Variants in PARN observed in about 807,000 individuals in gnomAD.
PARN encodes the protein poly(A)-specific ribonuclease PARN.
Under a neutral mutation model 102.8 loss-of-function variants are expected in PARN, and 71 were observed. The observed-to-expected ratio is 0.69, with a 90% confidence interval of 0.57 to 0.84. The LOEUF is 0.84. PARN is among the 40% of genes least tolerant of loss of function. The pLI is 0.00. For synonymous variants in PARN, 261 were observed against 252.9 expected (o/e 1.03, Z -0.30); for missense variants, 782 against 760.9 (o/e 1.03, Z -0.33).
At chr16:14,607,050 G>C (rs1045645171) in intron 9 of PARN, among the ~76,000 whole-genome samples, 31 of 151,914 alleles carry the variant, frequency 2.0e-4, no homozygotes, top group Non-Finnish European at 5.9e-5. Context: ...CAAAGTATTG[G>C]GATTACAGGT....
intron 18 of PARN, among the ~76,000 whole-genome samples, chr16:14,559,273 T>A (rs1158304745): frequency 6.6e-6 from 1 of 151,980 alleles, no homozygotes; most frequent in Non-Finnish European, 1.5e-5. Flanking sequence ...TTAGATGTTT[T>A]GAAAAAATTT....
chr16:14,569,041 G>A (rs980905473), intron 18 of PARN, among the ~76,000 whole-genome samples: 4 of 151,412 alleles, frequency 2.6e-5, no homozygotes, highest in South Asian at 2.1e-4. Context: ...GTTAAACCCC[G>A]TCTCTACTAA....
At chr16:14,535,182 AAAGTACTCACT>A (rs1296782734) in intron 21 of PARN, among the ~76,000 whole-genome samples, 1 of 152,210 alleles carries the variant, frequency 6.6e-6, no homozygotes, top group African/African-American at 2.4e-5. Context: ...TTATCACCTG[AAAGTACTCACT>A]AACCTAGATG....
At chr16:14,629,532 G>C in intron 2 of PARN, 65 bp downstream of exon 2, 6 of 1,176,628 alleles carry the variant, frequency 5.1e-6, no homozygotes, top group Non-Finnish European at 7.7e-6. Context: ...TTGGGGGCTG[G>C]GGGATTGAAG....
chr16:14,491,316 T>C (rs926391249), intron 21 of PARN, among the ~76,000 whole-genome samples: 1 of 151,510 alleles, frequency 6.6e-6, no homozygotes, highest in African/African-American at 2.4e-5. Flanking sequence ...TGTCCAGCCC[T>C]CTCATCTCAA....
At chr16:14,466,100 A>G (rs1962331400) in intron 22 of PARN, among the ~76,000 whole-genome samples, 1 of 152,170 alleles carries the variant, frequency 6.6e-6, no homozygotes, top group African/African-American at 2.4e-5. Flanking sequence ...CTGTGATACA[A>G]ATTTACCTAT....
At chr16:14,535,666 G>C (rs537120716) in intron 21 of PARN, among the ~76,000 whole-genome samples, 1 of 152,174 alleles carries the variant, frequency 6.6e-6, no homozygotes, top group Non-Finnish European at 1.5e-5. Flanking sequence ...TCCTACAGTA[G>C]AGTATGATAA....
chr16:14,547,485 G>A (rs1217823692), intron 21 of PARN, among the ~76,000 whole-genome samples: 2 of 151,474 alleles, frequency 1.3e-5, no homozygotes, highest in Admixed American at 6.6e-5. Context: ...GAGAGAGGAC[G>A]GCTTGAGGCC....
At chr16:14,541,834 A>C (rs1966842389) in intron 21 of PARN, among the ~76,000 whole-genome samples, 1 of 152,132 alleles carries the variant, frequency 6.6e-6, no homozygotes, top group Admixed American at 6.5e-5. Flanking sequence ...ATGTAACTAA[A>C]TCCAGAGTCT....
At chr16:14,566,308 CAGAG>C (rs1247802687) in intron 18 of PARN, among the ~76,000 whole-genome samples, 2 of 152,160 alleles carry the variant, frequency 1.3e-5, no homozygotes, top group African/African-American at 4.8e-5. Context: ...GAGGCAGAGA[CAGAG>C]AGGACACACA....
chr16:14,609,195 C>G (rs1971369663), intron 7 of PARN, 72 bp from the exon 8 acceptor site: 1 of 700,534 alleles, frequency 1.4e-6, no homozygotes, highest in Admixed American at 2.9e-5. Context: ...AAAATAATCA[C>G]AACCAAAAAC....
intron 22 of PARN, among the ~76,000 whole-genome samples, chr16:14,478,098 T>C (rs1371124072): frequency 6.6e-6 from 1 of 152,116 alleles, no homozygotes; most frequent in African/African-American, 2.4e-5. Flanking sequence ...GGAGGATCTC[T>C]TGAGGTCAAA....
intron 21 of PARN, among the ~76,000 whole-genome samples, chr16:14,517,504 G>C (rs928610539): frequency 6.6e-6 from 1 of 152,174 alleles, no homozygotes. Flanking sequence ...TGGGAAACAG[G>C]TAAGTATTGT....
chr16:14,495,617 C>G (rs993085467), intron 21 of PARN, among the ~76,000 whole-genome samples: 14 of 152,148 alleles, frequency 9.2e-5, no homozygotes, highest in Non-Finnish European at 1.9e-4. Flanking sequence ...GAGCGAGGAA[C>G]CACGGTAAGG....
In PARN at chr16:14,584,740, G is replaced by A; in HGVS notation, c.1005+9C>T. ...GCAGTCGCTTTATAAAGTAGCAAAT[G>A]AATAATACCTTAAAAGGTTGTGTGC... is the stretch of plus-strand genomic sequence containing the variant. On this transcript the variant is annotated intron_variant, in intron 15 of 23. Coordinates refer to ENST00000437198, the MANE Select transcript of PARN (RefSeq NM_002582.4). The A allele has an allele frequency of 3.8e-6, 6 of 1,563,556 alleles. No homozygotes were observed. Among genetic ancestry groups the A allele is most frequent in the Non-Finnish European group, 5.2e-6 (6 of 1,154,022 alleles).
At chr16:14,604,252 ATTTTC>A (rs1360689379) in intron 10 of PARN, 26 bp from the exon 11 acceptor site, 11 of 1,417,674 alleles carry the variant, frequency 7.8e-6, no homozygotes, top group Admixed American at 4.5e-5. Flanking sequence ...CAGATATACA[ATTTTC>A]TTTTCTTTTT....
At position 14,518,437 on chromosome 16, in the gene PARN, T is replaced by A. The variant is rs181405573; in HGVS notation, c.1480+33584A>T. On this transcript the variant is annotated intron_variant, in intron 21 of 23. Coordinates refer to ENST00000437198, the MANE Select transcript of PARN (RefSeq NM_002582.4). ...TGGGCTTAATTTATGTGTTAAAATT[T>A]AAAAAAAAAAATTCAGATTGGCTAG... Among the ~76,000 whole-genome samples, 737 of 148,796 alleles carry A rather than the reference T, an allele frequency of 5.0e-3. 1 individual carries two copies. Among genetic ancestry groups the A allele is most frequent in the Non-Finnish European group, 8.3e-3 (558 of 66,956 alleles).
intron 22 of PARN, among the ~76,000 whole-genome samples, chr16:14,453,397 A>T (rs1208585926): frequency 6.6e-6 from 1 of 152,220 alleles, no homozygotes; most frequent in Admixed American, 6.5e-5. Context: ...TTTTTCCATG[A>T]AGCAATAACA....
intron 18 of PARN, among the ~76,000 whole-genome samples, chr16:14,575,154 C>T (rs1256252494): frequency 6.6e-6 from 1 of 152,194 alleles, no homozygotes; most frequent in Non-Finnish European, 1.5e-5. Flanking sequence ...TCTGCTAGGG[C>T]AGTGCAGAAG....
Sources: allele counts gnomAD v4.1 joint callset (sites outside exome capture counted in the v4.1 genomes callset), GRCh38; gene constraint gnomAD v4.1.1; transcripts MANE v1.5; gene names NCBI Gene and HGNC (gene_info 2026-07-23, HGNC 2026-07-21).